OLFM2: variants seen among roughly 807,000 people sequenced by gnomAD.
The protein encoded by OLFM2 is olfactomedin 2, also known as noelin-2.
Under a neutral mutation model 43.9 loss-of-function variants are expected in OLFM2, and 20 were observed. The observed-to-expected ratio is 0.46, with a 90% CI of 0.32 to 0.66. OLFM2 has a LOEUF of 0.66. Ranked by LOEUF, OLFM2 falls within the 30% of genes least tolerant of loss-of-function variation. The probability of loss-of-function intolerance (pLI) is 0.04; values close to 1 mark genes in which losing one functional copy is unlikely to be tolerated. For missense variants in OLFM2, 416 were observed against 643.6 expected (o/e 0.65, Z 3.83); for synonymous variants, 268 against 278.6 (o/e 0.96, Z 0.38).
In OLFM2 at chr19:9,857,190, G is replaced by T; in HGVS notation, c.580+73C>A. The T allele has an allele frequency of 7.2e-7, 1 of 1,390,136 alleles. No homozygotes were observed. The highest frequency in any genetic ancestry group is 1.0e-6 in the Non-Finnish European group (1 of 982,420). 86.1% of individuals were successfully genotyped at this position (1,390,136 alleles called of 1,614,324 possible). A position where few individuals can be genotyped will look rare whatever the true frequency, so the allele number is the denominator to read the frequency against. ...GGTCAAAACTGTGTCCAGCTTCTAG[G>T]CACAAACAGGTGATACTGGAGTTGG... On this transcript the variant is annotated intron_variant, in intron 4 of 5. Transcript: ENST00000264833. This position sits in a 1 kb window ranked among gnomAD's most constrained non-coding sequence, Gnocchi z 5.7.
At chr19:9,928,248 C>T (rs897767103) in intron 1 of OLFM2, among the ~76,000 whole-genome samples, 1 of 151,938 alleles carries the variant, frequency 6.6e-6, no homozygotes, top group African/African-American at 2.4e-5. Context: ...TAAAAAGAAC[C>T]CGGCTCACCA....
At chr19:9,930,391 C>G (rs2086475417) in intron 1 of OLFM2, among the ~76,000 whole-genome samples, 1 of 151,694 alleles carries the variant, frequency 6.6e-6, no homozygotes, top group African/African-American at 2.4e-5. Context: ...GGGGGCATAC[C>G]CTTAAATTTT....
intron 1 of OLFM2, among the ~76,000 whole-genome samples, chr19:9,868,972 T>A (rs1268337758): frequency 0.013 from 10 of 752 alleles, no homozygotes; most frequent in African/African-American, 0.09. Context: ...GTCCCTTAAA[T>A]TTTTTTTTTT....
chr19:9,924,406 CAAAAAAAAAAAA>C (rs1166738814), intron 1 of OLFM2, among the ~76,000 whole-genome samples: 5 of 25,786 alleles, frequency 1.9e-4, no homozygotes, highest in Admixed American at 5.8e-4. Flanking sequence ...ACTCTGTCTC[CAAAAAAAAAAAA>C]AAAAAAAAAA....
intron 1 of OLFM2, among the ~76,000 whole-genome samples, chr19:9,902,381 TC>T (rs2046748281): frequency 7.1e-6 from 1 of 140,038 alleles, no homozygotes; most frequent in Non-Finnish European, 1.5e-5. Context: ...CTTGCCTTCA[TC>T]TTTTTTTTTT....
rs1162199228 is a variant in OLFM2 at position 9,853,799 on chromosome 19, A to T, written c.*387T>A. ...AAAAAGAAACAGATCCATGCACTCA[A>T]CTCCTGGGGGTGGGGGTGGGGGTGG... On this transcript the variant is annotated 3_prime_UTR_variant, in exon 6 of 6. Coordinates refer to ENST00000264833, the MANE Select transcript of OLFM2 (RefSeq NM_058164.4). The T allele has an allele frequency of 6.5e-6, 1 of 154,606 alleles. No homozygotes were observed. The highest frequency in any genetic ancestry group is 1.2e-5 in the Non-Finnish European group (1 of 86,238). 9.6% of individuals were successfully genotyped at this position (154,606 alleles called of 1,614,324 possible).
Position 9,854,055 on chromosome 19 carries a change from G to T in OLFM2, c.*131C>A. On this transcript the variant is annotated 3_prime_UTR_variant, in exon 6 of 6. Coordinates refer to ENST00000264833, the MANE Select transcript of OLFM2 (RefSeq NM_058164.4). The surrounding 1 kb of genome is among the most constrained non-coding windows in gnomAD (Gnocchi z 9.5). ...AGAAATACATAGGCAGAGAACAAAA[G>T]CCCAGCAAAAAGGCGGGGAGAAAGG... 1 of 759,196 alleles carries T rather than the reference G, an allele frequency of 1.3e-6. No individual in the cohort carries two copies. Among genetic ancestry groups the T allele is most frequent in the Non-Finnish European group, 2.1e-6 (1 of 466,686 alleles). The allele number at this position is 759,196 out of a possible 1,614,324, so 47.0% of individuals were successfully genotyped here. A position where few individuals can be genotyped will look rare whatever the true frequency, so the allele number is the denominator to read the frequency against.
intron 1 of OLFM2, among the ~76,000 whole-genome samples, chr19:9,934,964 T>C (rs1485737113): frequency 6.6e-6 from 1 of 152,170 alleles, no homozygotes; most frequent in East Asian, 1.9e-4. Context: ...CACCTAGCAA[T>C]GTCTTCACGG....
Position 9,913,798 on chromosome 19 carries a change from G to A in OLFM2, c.63+22506C>T, listed in dbSNP as rs1014134078. On this transcript the variant is annotated intron_variant, in intron 1 of 5. Transcript: ENST00000264833. ...GGGGGGGCTCGGGGACGCGGGCTGC[G>A]GCTCGGCGCGCCTGGCGGGCTCCTC... 1.3e-4 allele frequency: 60 copies of A among 475,130 alleles called. 1 individual carries two copies. The highest frequency in any genetic ancestry group is 3.6e-4 in the African/African-American group (17 of 47,146). 29.4% of individuals were successfully genotyped at this position (475,130 alleles called of 1,614,324 possible). A position where few individuals can be genotyped will look rare whatever the true frequency, so the allele number is the denominator to read the frequency against.
intron 1 of OLFM2, among the ~76,000 whole-genome samples, chr19:9,899,612 G>C (rs2046713254): frequency 6.6e-6 from 1 of 152,064 alleles, no homozygotes; most frequent in South Asian, 2.1e-4. Flanking sequence ...GAGTACAGTG[G>C]TGTAACCATG....
intron 1 of OLFM2, among the ~76,000 whole-genome samples, chr19:9,914,301 TG>T (rs1004445252): frequency 6.6e-6 from 1 of 150,376 alleles, no homozygotes; most frequent in African/African-American, 2.4e-5. Context: ...TTGGGGGGCG[TG>T]GGGGGGCGAC....
At chr19:9,903,919 T>C (rs953465183) in intron 1 of OLFM2, among the ~76,000 whole-genome samples, 2 of 152,136 alleles carry the variant, frequency 1.3e-5, no homozygotes, top group Admixed American at 6.6e-5. Flanking sequence ...TACTGAAGGT[T>C]GCATTACTCT....
At chr19:9,913,200 C>G (rs2046842894) in intron 1 of OLFM2, among the ~76,000 whole-genome samples, 1 of 152,168 alleles carries the variant, frequency 6.6e-6, no homozygotes, top group Non-Finnish European at 1.5e-5. Flanking sequence ...GTACGCTATT[C>G]GCGCTCAGAC....
At chr19:9,913,632 A>C in intron 1 of OLFM2, 2 of 1,272,132 alleles carry the variant, frequency 1.6e-6, no homozygotes, top group East Asian at 4.0e-5. Context: ...CCTCCGCCTC[A>C]TGCCCCGCGG....
rs1372263853 is a variant in OLFM2, at chr19:9,857,336, G to A, written c.507C>T (p.Ala169=). 1.2e-6 allele frequency: 2 copies of A among 1,614,030 alleles called. No homozygotes were observed. Among genetic ancestry groups the A allele is most frequent in the African/African-American group, 1.3e-5 (1 of 74,900 alleles). Residue 169 remains alanine (A), a synonymous_variant, in exon 4 of 6, where the codon GCC becomes GCT. Transcript: ENST00000264833. This position sits in a 1 kb window ranked among gnomAD's most constrained non-coding sequence, Gnocchi z 5.7. The part of the protein sequence containing the change: ...SLAAIQEEMG[A]YGYEDLQQRV... ...GTTGCTGCAGGTCCTCATACCCGTAGGCACCCATCTCCTCCTGAATGGCCG... is the reference window on the plus strand; with the variant it reads ...GTTGCTGCAGGTCCTCATACCCGTAAGCACCCATCTCCTCCTGAATGGCCG...
intron 1 of OLFM2, among the ~76,000 whole-genome samples, chr19:9,887,473 C>T (rs758302986): frequency 2.0e-5 from 3 of 152,114 alleles, no homozygotes; most frequent in Non-Finnish European, 4.4e-5. Flanking sequence ...ACCACCGCAC[C>T]GCCCACCCTC....
intron 1 of OLFM2, among the ~76,000 whole-genome samples, chr19:9,918,687 A>C (rs1281053271): frequency 6.6e-6 from 1 of 152,210 alleles, no homozygotes; most frequent in Non-Finnish European, 1.5e-5. Flanking sequence ...TCCACCATAA[A>C]AAGGAATTTG....
intron 1 of OLFM2, among the ~76,000 whole-genome samples, chr19:9,897,066 C>T (rs1204333688): frequency 6.6e-6 from 1 of 152,148 alleles, no homozygotes; most frequent in Admixed American, 6.6e-5. Flanking sequence ...TGGTGGCTCA[C>T]ACCTGTAATC....
chr19:9,895,956 T>C (rs1226400347), intron 1 of OLFM2, among the ~76,000 whole-genome samples: 1 of 152,160 alleles, frequency 6.6e-6, no homozygotes, highest in Non-Finnish European at 1.5e-5. Context: ...AAAACCATAT[T>C]GGTGGATTCC....
Sources: gnomAD v4.1 joint callset for allele counts (sites outside exome capture counted in the v4.1 genomes callset) on GRCh38, gnomAD v4.1.1 for gene constraint, Gnocchi (gnomAD v3.1) non-coding constraint, MANE v1.5 for transcripts, NCBI Gene and HGNC (gene_info 2026-07-23, HGNC 2026-07-21) for gene names.